Variants in ARAP2 observed in about 807,000 individuals in gnomAD.
The protein encoded by ARAP2 is ArfGAP with RhoGAP domain, ankyrin repeat and PH domain 2.
In ARAP2, 148 loss-of-function variants were observed where a neutral mutation model predicts 194.5. The observed-to-expected ratio is 0.76, with a 90% CI of 0.67 to 0.87. The LOEUF (loss-of-function observed/expected upper bound fraction) is 0.87. Ranked by LOEUF, ARAP2 falls within the 40% of genes least tolerant of loss-of-function variation. ARAP2 has a pLI of 0.00. For synonymous variants in ARAP2, 695 were observed against 683.5 expected, an observed-to-expected ratio of 1.02 and a Z score of -0.26; for missense variants, 2,128 against 1,989.7, an observed-to-expected ratio of 1.07 and a Z score of -1.32.
At chr4:36,186,316 C>T (rs1740557154) in intron 8 of ARAP2, among the ~76,000 whole-genome samples, 2 of 152,140 alleles carry the variant, frequency 1.3e-5, no homozygotes, top group African/African-American at 4.8e-5. Flanking sequence ...GGCTCCTCCC[C>T]AACCCTTATT....
chr4:36,229,098 C>A lies in ARAP2; in HGVS notation c.389G>T (p.Ser130Ile). Residue 130 changes from serine (S) to isoleucine (I), a missense_variant, in exon 2 of 33, where the codon AGT becomes ATT. Transcript: ENST00000303965. ...CTGGCTTCTTTCCACACTTGCATCA[C>A]TGTCTTCAAGATTTTTTCTAACAGT... Reference protein sequence around the residue: ...LETVRKNLEDSDASVERSQYP... With the variant: ...LETVRKNLEDIDASVERSQYP... 1 of 1,614,030 alleles carries A rather than the reference C, an allele frequency of 6.2e-7. No individual in the cohort carries two copies. The highest frequency in any genetic ancestry group is 1.3e-5 in the African/African-American group (1 of 75,038).
chr4:36,077,014 G>A (rs1375970214), intron 31 of ARAP2, among the ~76,000 whole-genome samples: 2 of 152,098 alleles, frequency 1.3e-5, no homozygotes, highest in Admixed American at 1.3e-4. Flanking sequence ...GGAGTCCTTG[G>A]TAAGGCTTTT....
At chr4:36,088,282 G>C (rs974688604) in intron 28 of ARAP2, among the ~76,000 whole-genome samples, 5 of 152,006 alleles carry the variant, frequency 3.3e-5, no homozygotes, top group Non-Finnish European at 7.4e-5. Context: ...TGAAAATCAA[G>C]GTGGGCGGTC....
At chr4:36,178,480 G>A (rs922732472) in intron 8 of ARAP2, among the ~76,000 whole-genome samples, 5 of 152,160 alleles carry the variant, frequency 3.3e-5, no homozygotes, top group African/African-American at 1.2e-4. Flanking sequence ...CTTGGAACCT[G>A]CTCTAGAGTA....
chr4:36,016,493 G>A (rs942145064), intron 6 of ARAP2, among the ~76,000 whole-genome samples: 1 of 142,468 alleles, frequency 7.0e-6, no homozygotes, highest in African/African-American at 2.6e-5. Context: ...TATAGCTCTT[G>A]CGTGCTTGAA....
At chr4:36,135,933 T>C (rs559936999) in intron 19 of ARAP2, among the ~76,000 whole-genome samples, 68 of 151,898 alleles carry the variant, frequency 4.5e-4, no homozygotes, top group African/African-American at 1.6e-3. Flanking sequence ...CCATAAACTG[T>C]GACATTTTTG....
At chr4:36,104,875 G>A (rs1295983837) in intron 27 of ARAP2, among the ~76,000 whole-genome samples, 1 of 151,900 alleles carries the variant, frequency 6.6e-6, no homozygotes, top group Non-Finnish European at 1.5e-5. Flanking sequence ...TTTGCTGATG[G>A]TTTTCCTTTA....
chr4:36,068,603 G>A (rs1340062302), intron 32 of ARAP2, among the ~76,000 whole-genome samples: 6 of 152,166 alleles, frequency 3.9e-5, no homozygotes, highest in Non-Finnish European at 7.3e-5. Context: ...ATGCGCGGTA[G>A]GACACTCTCT....
At chr4:36,135,946 C>A (rs1470566649) in intron 19 of ARAP2, among the ~76,000 whole-genome samples, 1 of 151,732 alleles carries the variant, frequency 6.6e-6, no homozygotes, top group East Asian at 1.9e-4. Flanking sequence ...CATTTTTGAA[C>A]TTCAAATTTT....
chr4:36,064,622 T>A (rs558003999), downstream of ARAP2, among the ~76,000 whole-genome samples: 1 of 152,190 alleles, frequency 6.6e-6, no homozygotes, highest in East Asian at 1.9e-4. Context: ...AGGTGGAGGG[T>A]CCCACAGGAA....
downstream of ARAP2, among the ~76,000 whole-genome samples, chr4:36,061,184 A>G: frequency 6.6e-6 from 1 of 152,194 alleles, no homozygotes; most frequent in South Asian, 2.1e-4. Flanking sequence ...TGGGTTATCC[A>G]TCCCCTCAAG....
chr4:36,160,418 G>A, intron 13 of ARAP2, 41 bp downstream of exon 13: 2 of 1,430,036 alleles, frequency 1.4e-6, no homozygotes, highest in Non-Finnish European at 1.8e-6. Context: ...TCATTAAAAA[G>A]ACATTAAAAT....
intron 1 of ARAP2, among the ~76,000 whole-genome samples, chr4:36,230,964 A>G (rs1751334274): frequency 6.6e-6 from 1 of 152,226 alleles, no homozygotes; most frequent in Non-Finnish European, 1.5e-5. Flanking sequence ...TACAAAATAA[A>G]TGATGAAAGG....
At chr4:36,232,213 C>A (rs1751615093) in intron 1 of ARAP2, among the ~76,000 whole-genome samples, 2 of 152,232 alleles carry the variant, frequency 1.3e-5, no homozygotes, top group African/African-American at 4.8e-5. Flanking sequence ...TAATACACTT[C>A]TCCATCCTCA....
rs200585472 is a variant in ARAP2, at chr4:36,210,583, C to A, written c.1294G>T (p.Ala432Ser). 6.2e-7 allele frequency: 1 copy of A among 1,613,798 alleles called. No homozygotes were observed. The highest frequency in any genetic ancestry group is 2.2e-5 in the East Asian group (1 of 44,864). ...GCTTTTTGAGTCCTAGATTTAGATG[C>A]CTTTGAATTTTTTCTTCTTAAACTC... ...FQSLRRKNSK[A>S]SKSRTQKALI... The change falls in exon 6 of 33, where the codon GCA becomes TCA. Residue 432 changes from alanine (A) to serine (S), a missense_variant. Coordinates refer to ENST00000303965, the MANE Select transcript of ARAP2 (RefSeq NM_015230.4).
At position 36,128,557 on chromosome 4, in the gene ARAP2, A is replaced by G; in HGVS notation, c.3616T>C (p.Tyr1206His). ...CCTAAAGCAGAGATCCAATATGGGT[A>G]GAGCTCCTTAGTAAGCAGTGCATCA... ...IDDALLTKELYPYWISALDTQ... is the reference protein window; with the variant it reads ...IDDALLTKELHPYWISALDTQ... The change falls in exon 21 of 33, where the codon TAC (tyrosine) becomes CAC (histidine). Residue 1206 changes from tyrosine to histidine, a missense_variant. Tyr to His is a moderately conservative substitution (Grantham distance 83). Coordinates refer to ENST00000303965, the MANE Select transcript of ARAP2 (RefSeq NM_015230.4). 6.2e-7 allele frequency: 1 copy of G among 1,610,340 alleles called. No individual in the cohort carries two copies. Among genetic ancestry groups the G allele is most frequent in the Non-Finnish European group, 8.5e-7 (1 of 1,177,552 alleles).
At chr4:36,085,257 G>A (rs1258190481) in intron 28 of ARAP2, among the ~76,000 whole-genome samples, 3 of 151,888 alleles carry the variant, frequency 2.0e-5, no homozygotes, top group Non-Finnish European at 2.9e-5. Flanking sequence ...GTTTCTTAAC[G>A]TTTGCTTAAA....
Position 36,228,771 on chromosome 4 carries a change from C to T in ARAP2, c.716G>A (p.Gly239Glu), listed in dbSNP as rs751809083. The T allele has an allele frequency of 6.8e-6, 11 of 1,613,940 alleles. No individual in the cohort carries two copies. Among genetic ancestry groups the T allele is most frequent in the Non-Finnish European group, 9.3e-6 (11 of 1,180,008 alleles). The change falls in exon 2 of 33, where the codon GGA becomes GAA. Residue 239 changes from glycine to glutamate, a missense_variant. By Grantham distance (98) the Gly-to-Glu change is moderately conservative. Transcript: ENST00000303965. ...SGNGTNGLLE[G>E]SPPSPFFKFQ... ...CTTAAAGAATGGGGATGGTGGTGATCCTTCTAATAAACCATTTGTTCCATT... is the reference window on the plus strand; with the variant it reads ...CTTAAAGAATGGGGATGGTGGTGATTCTTCTAATAAACCATTTGTTCCATT...
At chr4:36,190,412 T>C (rs1450806442) in intron 7 of ARAP2, among the ~76,000 whole-genome samples, 1 of 152,234 alleles carries the variant, frequency 6.6e-6, no homozygotes, top group East Asian at 1.9e-4. Flanking sequence ...ACCTTTCATG[T>C]AGTTAATACT....
Sources: gnomAD v4.1 joint callset for allele counts (sites outside exome capture counted in the v4.1 genomes callset) on GRCh38, gnomAD v4.1.1 for gene constraint, MANE v1.5 for transcripts, NCBI Gene and HGNC (gene_info 2026-07-23, HGNC 2026-07-21) for gene names.